The following SLC6A20 variants were observed in gnomAD, a reference collection of about 807,000 sequenced individuals.
SLC6A20 encodes the protein sodium- and chloride-dependent transporter XTRP3.
A neutral mutation model predicts 64.3 loss-of-function variants in SLC6A20; 73 were observed. The observed-to-expected ratio is 1.14, with a 90% CI of 0.94 to 1.38. The LOEUF is 1.38. Ranked by LOEUF, SLC6A20 falls within the 40% of genes most tolerant of loss-of-function variation. The probability of loss-of-function intolerance (pLI) is 0.00; values close to 1 mark genes in which losing one functional copy is unlikely to be tolerated. For synonymous variants in SLC6A20, 347 were observed against 329.6 expected, an observed-to-expected ratio of 1.05 and a Z score of -0.57; for missense variants, 725 against 772.8, an observed-to-expected ratio of 0.94 and a Z score of 0.73.
intron 1 of SLC6A20, among the ~76,000 whole-genome samples, chr3:45,788,945 A>G (rs1207185521): frequency 6.6e-6 from 1 of 152,266 alleles, no homozygotes; most frequent in African/African-American, 2.4e-5. Context: ...TCTGAAAATC[A>G]TACTGTTAAT....
In SLC6A20 at chr3:45,762,922, C is replaced by T. The variant is rs200478277; in HGVS notation, c.1454G>A (p.Gly485Glu). Residue 485 changes from glycine to glutamate, a missense_variant, in exon 9 of 11, where the codon GGG (glycine) becomes GAG (glutamate). Transcript: ENST00000358525. ...TCCTGGGCCTCCTCACCTCCTCAGC[C>T]CGTACACGTAGCACACGGCAATCGT... Reference protein sequence around the residue: ...VETIAVCYVYGLRRFESDLKA... With the variant: ...VETIAVCYVYELRRFESDLKA... The T allele has an allele frequency of 2.0e-5, 32 of 1,614,148 alleles. No homozygotes were observed. The highest frequency in any genetic ancestry group is 2.6e-5 in the Non-Finnish European group (31 of 1,180,036).
chr3:45,770,470 G>C, intron 6 of SLC6A20, 99 bp from the exon 7 acceptor site: 1 of 1,415,740 alleles, frequency 7.1e-7, no homozygotes, highest in African/African-American at 1.4e-5. Context: ...GTGAGGAAAG[G>C]GAGTCTGTTG....
In SLC6A20 at chr3:45,775,815, C is replaced by T; in HGVS notation, c.528G>A (p.Leu176=). The stretch of plus-strand genomic sequence containing the variant: ...TGCACAGGTACACCACCAGCCAGGC[C>T]AGGAGGAGGCACAGCGCCGGCTCCC... ...VQWEPALCLL[L]AWLVVYLCIL... The change falls in exon 4 of 11, where the codon CTG becomes CTA. Residue 176 remains leucine, a synonymous_variant. Transcript: ENST00000358525. 1.2e-6 allele frequency: 2 copies of T among 1,614,182 alleles called. No homozygotes were observed.
rs1255235503 is a variant in SLC6A20, at chr3:45,765,467, C to G, written c.1303+70G>C. 1 of 1,524,020 alleles carries G rather than the reference C, an allele frequency of 6.6e-7. No homozygotes were observed. The highest frequency in any genetic ancestry group is 2.0e-5 in the Admixed American group (1 of 51,224). 94.4% of individuals were successfully genotyped at this position (1,524,020 alleles called of 1,614,324 possible). A position where few individuals can be genotyped will look rare whatever the true frequency, so the allele number is the denominator to read the frequency against. Reference sequence around the variant, plus strand: ...AACCAGCCCATGACCCCTGAGGGAGCTCTCCCCTGTTCACCCCCACGCCTT... The same window carrying G: ...AACCAGCCCATGACCCCTGAGGGAGGTCTCCCCTGTTCACCCCCACGCCTT... On this transcript the variant is annotated intron_variant, in intron 8 of 10. Transcript: ENST00000358525. This position sits in a 1 kb window ranked among gnomAD's most constrained non-coding sequence, Gnocchi z 4.2.
intron 4 of SLC6A20, among the ~76,000 whole-genome samples, chr3:45,775,178 C>T (rs560695434): frequency 2.6e-5 from 4 of 152,056 alleles, no homozygotes; most frequent in African/African-American, 7.2e-5. Flanking sequence ...AGATCAAGCC[C>T]GACAGCTCTG....
At chr3:45,766,662 A>G (rs750984732) in intron 7 of SLC6A20, among the ~76,000 whole-genome samples, 3 of 152,206 alleles carry the variant, frequency 2.0e-5, no homozygotes, top group Non-Finnish European at 2.9e-5. Flanking sequence ...ATAATATTGG[A>G]GCCCTAATCT....
At chr3:45,776,802 T>G (rs80017031) in intron 3 of SLC6A20, among the ~76,000 whole-genome samples, 1 of 152,236 alleles carries the variant, frequency 6.6e-6, no homozygotes, top group African/African-American at 2.4e-5. Context: ...GCAAGGGCGA[T>G]AGCAGCATCG....
At chr3:45,778,855 G>A (rs1700020780) in intron 3 of SLC6A20, among the ~76,000 whole-genome samples, 1 of 152,148 alleles carries the variant, frequency 6.6e-6, no homozygotes, top group South Asian at 2.1e-4. Context: ...GAAACTCTAG[G>A]TTGAACCAGG....
At chr3:45,782,681 A>G (rs1204141348) in intron 1 of SLC6A20, among the ~76,000 whole-genome samples, 1 of 151,446 alleles carries the variant, frequency 6.6e-6, no homozygotes, top group Non-Finnish European at 1.5e-5. Flanking sequence ...CCATCCTTCC[A>G]TCCATTCATC....
At chr3:45,768,318 A>C (rs1699806148) in intron 7 of SLC6A20, among the ~76,000 whole-genome samples, 1 of 152,188 alleles carries the variant, frequency 6.6e-6, no homozygotes. Context: ...TGGGGAAAGA[A>C]AAGAAAGAAA....
At chr3:45,782,810 T>C (rs891671461) in intron 1 of SLC6A20, among the ~76,000 whole-genome samples, 22 of 152,348 alleles carry the variant, frequency 1.4e-4, no homozygotes, top group Non-Finnish European at 7.3e-5. Context: ...GTTGTTGAAC[T>C]CTTTAAATTC....
In SLC6A20 at chr3:45,796,349, C is replaced by G. The variant is rs1481098418; in HGVS notation, c.71G>C (p.Gly24Ala). 1 of 1,611,694 alleles carries G rather than the reference C, an allele frequency of 6.2e-7. No individual in the cohort carries two copies. The highest frequency in any genetic ancestry group is 1.1e-5 in the South Asian group (1 of 90,824). Residue 24 changes from glycine to alanine, a missense_variant, in exon 1 of 11, where the codon GGC becomes GCC. Physicochemically the swap from Gly to Ala is moderately conservative, Grantham distance 60. Transcript: ENST00000358525. ...FVFACISYAVGLGNVWRFPYL... is the reference protein window; with the variant it reads ...FVFACISYAVALGNVWRFPYL... Reference sequence around the variant, plus strand: ...CGGGAATCGCCACACGTTGCCCAGGCCCACGGCGTACGAGATGCAGGCGAA... The same window carrying G: ...CGGGAATCGCCACACGTTGCCCAGGGCCACGGCGTACGAGATGCAGGCGAA...
chr3:45,761,790 A>G (rs1699687309), intron 9 of SLC6A20, among the ~76,000 whole-genome samples: 1 of 152,150 alleles, frequency 6.6e-6, no homozygotes. Context: ...GGGATCCACA[A>G]CTGTCTTTAA....
chr3:45,777,635 G>A (rs1699993025), intron 3 of SLC6A20, among the ~76,000 whole-genome samples: 2 of 152,222 alleles, frequency 1.3e-5, no homozygotes, highest in African/African-American at 2.4e-5. Flanking sequence ...GAATGATGCG[G>A]GTGCAGGGAG....
At chr3:45,766,134 A>G (rs62242259) in intron 7 of SLC6A20, among the ~76,000 whole-genome samples, 33,817 of 152,210 alleles carry the variant, frequency 0.22, 4,877 homozygotes, top group Middle Eastern at 0.36. Context: ...AGCAGGAAGC[A>G]GAATTGTAGG....
At position 45,765,694 on chromosome 3, in the gene SLC6A20, A is replaced by G; in HGVS notation, c.1146T>C (p.Ile382=). 6.2e-7 allele frequency: 1 copy of G among 1,614,148 alleles called. No homozygotes were observed. The highest frequency in any genetic ancestry group is 2.2e-5 in the East Asian group (1 of 44,868). The change falls in exon 8 of 11, where the codon ATT becomes ATC. Residue 382 remains isoleucine, a synonymous_variant. Transcript: ENST00000358525. The surrounding 1 kb of genome is among the most constrained non-coding windows in gnomAD (Gnocchi z 4.2). Reference sequence around the variant, plus strand: ...ACAGCTGGGACACCTCCATGTTTTTAATGGCCTCTGTGTAGACGATGAATG... The same window carrying G: ...ACAGCTGGGACACCTCCATGTTTTTGATGGCCTCTGTGTAGACGATGAATG... The part of the protein sequence containing the change: ...GLAFIVYTEA[I]KNMEVSQLWS...
intron 1 of SLC6A20, among the ~76,000 whole-genome samples, chr3:45,794,593 C>T (rs185355381): frequency 2.0e-4 from 30 of 152,260 alleles, no homozygotes; most frequent in Admixed American, 1.8e-3. Flanking sequence ...CCCTAGCAAC[C>T]CCTTGATACA....
chr3:45,779,888 A>G, intron 3 of SLC6A20, 121 bp downstream of exon 3: 1 of 1,073,036 alleles, frequency 9.3e-7, no homozygotes, highest in Non-Finnish European at 1.3e-6. Context: ...CACACCACCC[A>G]CCGGCTCCCC....
At position 45,788,573 on chromosome 3, in the gene SLC6A20, A is replaced by G. The variant is rs142746231; in HGVS notation, c.122-6350T>C. ...ACATATAGCCTGTGATCTTTCAGAA[A>G]TTATAAGATTCACATAATACCATAT... On this transcript the variant is annotated intron_variant, in intron 1 of 10. Transcript: ENST00000358525. 2.0e-5 allele frequency among the ~76,000 whole-genome samples: 3 copies of G among 152,364 alleles called. No homozygotes were observed. The East Asian group carries it at 5.8e-4, about 29-fold the overall frequency.
Sources: allele counts gnomAD v4.1 joint callset (sites outside exome capture counted in the v4.1 genomes callset), GRCh38; gene constraint gnomAD v4.1.1; non-coding constraint Gnocchi (gnomAD v3.1); transcripts MANE v1.5; gene names NCBI Gene and HGNC (gene_info 2026-07-23, HGNC 2026-07-21).